The following COL9A3 variants were observed in gnomAD, a reference collection of about 807,000 sequenced individuals.
The protein encoded by COL9A3 is collagen alpha-3(IX) chain.
COL9A3 carries 82 observed loss-of-function variants against 110.2 expected under a neutral mutation model. The ratio of observed to expected loss-of-function variants is 0.74; its 90% CI spans 0.62 to 0.89. The LOEUF is 0.89. Ranked by LOEUF, COL9A3 falls within the 40% of genes least tolerant of loss-of-function variation. The pLI is 0.00. For synonymous variants in COL9A3, 494 were observed against 403.8 expected (o/e 1.22, Z -2.68); for missense variants, 1,066 against 981.3 (o/e 1.09, Z -1.15).
intron 26 of COL9A3, among the ~76,000 whole-genome samples, chr20:62,833,565 A>T: frequency 6.6e-6 from 1 of 151,580 alleles, no homozygotes; most frequent in South Asian, 2.1e-4. Flanking sequence ...CACCATGCCC[A>T]GCTAATTTTT....
chr20:62,830,643 C>A, intron 24 of COL9A3, 55 bp downstream of exon 24: 3 of 967,274 alleles, frequency 3.1e-6, no homozygotes, highest in South Asian at 1.5e-5. Context: ...CCATGTACCA[C>A]AGTCCCCCAC....
chr20:62,840,782 G>C lies in COL9A3; in HGVS notation c.*50G>C, dbSNP rs771945842. 2.6e-6 allele frequency: 4 copies of C among 1,544,818 alleles called. No individual in the cohort carries two copies. Among genetic ancestry groups the C allele is most frequent in the Non-Finnish European group, 3.5e-6 (4 of 1,141,006 alleles). On this transcript the variant is annotated 3_prime_UTR_variant, in exon 32 of 32. Coordinates refer to ENST00000649368, the MANE Select transcript of COL9A3 (RefSeq NM_001853.4). ...CAAGGACGCCCGAAGCACAGTGGAC[G>C]GTCATGAAGGAGCGGGGGTGTGGCA...
chr20:62,816,928 C>G (rs1477155174), upstream of COL9A3: 18 of 389,548 alleles, frequency 4.6e-5, no homozygotes, highest in Non-Finnish European at 6.8e-5. Flanking sequence ...GAAGCCCCCC[C>G]GCCCAGGTGG....
At chr20:62,818,186 C>G (rs1284893362) in intron 2 of COL9A3, among the ~76,000 whole-genome samples, 1 of 152,194 alleles carries the variant, frequency 6.6e-6, no homozygotes, top group Non-Finnish European at 1.5e-5. Flanking sequence ...CAGGAGTCCC[C>G]TCAGGGCCTG....
intron 12 of COL9A3, among the ~76,000 whole-genome samples, chr20:62,825,223 T>C (rs1158413159): frequency 6.7e-6 from 1 of 148,202 alleles, no homozygotes; most frequent in Non-Finnish European, 1.5e-5. Flanking sequence ...GTTTCATGGG[T>C]GCACCTGCAC....
chr20:62,838,350 G>A (rs568086009), intron 30 of COL9A3, among the ~76,000 whole-genome samples: 80 of 152,332 alleles, frequency 5.3e-4, no homozygotes, highest in Middle Eastern at 3.4e-3. Flanking sequence ...GGGTCTTGTG[G>A]GCGGTTCTAA....
Position 62,817,115 on chromosome 20 carries a change from G to A in COL9A3, c.51G>A (p.Gly17=). 7.1e-7 allele frequency: 1 copy of A among 1,401,192 alleles called. No individual in the cohort carries two copies. Among genetic ancestry groups the A allele is most frequent in the Non-Finnish European group, 9.3e-7 (1 of 1,072,218 alleles). The allele number at this position is 1,401,192 out of a possible 1,614,324, so 86.8% of individuals were successfully genotyped here. ...CGCTCCTGCTCCTGCTCCTGCTCGGGGAGCTTCTGGCGGCCGCCGGGGCGC... is the reference window on the plus strand; with the variant it reads ...CGCTCCTGCTCCTGCTCCTGCTCGGAGAGCTTCTGGCGGCCGCCGGGGCGC... The part of the protein sequence containing the change: ...CAPLLLLLLL[G]ELLAAAGAQR... Residue 17 remains glycine, a synonymous_variant, in exon 1 of 32, where the codon GGG becomes GGA. Transcript: ENST00000649368.
chr20:62,822,177 C>G lies in COL9A3; in HGVS notation c.477+13C>G. On this transcript the variant is annotated intron_variant, in intron 9 of 31. Transcript: ENST00000649368. ...TCCCGGACCCCCTGTAAGTACTGGG[C>G]AGAGGCTCTAAGAAGTGCTGGGCAT... The G allele has an allele frequency of 6.5e-7, 1 of 1,536,956 alleles. No homozygotes were observed. Among genetic ancestry groups the G allele is most frequent in the Non-Finnish European group, 9.0e-7 (1 of 1,110,378 alleles).
Position 62,836,158 on chromosome 20 carries a change from CT to C in COL9A3, c.1402-28del, listed in dbSNP as rs781300623. ...TGGCTCTGGGCTCCTGGGCTCGCCCCTGACCCACCTTCCTCTGTTCCTCTGC... is the reference window on the plus strand; with the variant it reads ...TGGCTCTGGGCTCCTGGGCTCGCCCCGACCCACCTTCCTCTGTTCCTCTGC... On this transcript the variant is annotated intron_variant, in intron 27 of 31. Transcript: ENST00000649368. 5.0e-6 allele frequency: 8 copies of C among 1,611,164 alleles called. No homozygotes were observed. In the African/African-American group the frequency reaches 5.3e-5, roughly 11 times the overall value.
rs760931131 is a variant in COL9A3 at position 62,826,796 on chromosome 20, G to T, written c.768G>T (p.Gly256=). The change falls in exon 15 of 32, where the codon GGG becomes GGT. Residue 256 remains glycine, a synonymous_variant. Transcript: ENST00000649368. ...CCATTGGGTTCCGAGGGCCGCCTGG[G>T]ATCCCAGGAGCGCCTGGGAAAGCGG... ...RGPIGFRGPP[G]IPGAPGKAGD... is the part of the protein sequence containing the mutation. 12 of 1,612,818 alleles carry T rather than the reference G, an allele frequency of 7.4e-6. No homozygotes were observed. In the South Asian group the frequency reaches 1.1e-4, roughly 15 times the overall value.
At chr20:62,818,479 C>T (rs199641605) in intron 2 of COL9A3, 39 bp from the exon 3 acceptor site, 9 of 1,607,400 alleles carry the variant, frequency 5.6e-6, no homozygotes, top group Middle Eastern at 1.7e-4. Context: ...TGAGGGACCC[C>T]TGATTTTCAG....
At chr20:62,819,591 C>T (rs1991052803) in intron 4 of COL9A3, among the ~76,000 whole-genome samples, 1 of 152,236 alleles carries the variant, frequency 6.6e-6, no homozygotes, top group South Asian at 2.1e-4. Flanking sequence ...ACTTAGTCAT[C>T]TTGGGCTCCA....
chr20:62,817,587 C>T lies in COL9A3; in HGVS notation c.99C>T (p.Pro33=), dbSNP rs772387433. Residue 33 remains proline (P), a synonymous_variant, in exon 2 of 32, where the codon CCC becomes CCT. Coordinates refer to ENST00000649368, the MANE Select transcript of COL9A3 (RefSeq NM_001853.4). ...AGAQRVGLPG[P]PGPPGPPGKP... ...TTCAGAGAGTGGGACTCCCCGGCCC[C>T]CCCGGCCCCCCAGGGCCGCCCGGGA... 1.9e-6 allele frequency: 3 copies of T among 1,546,744 alleles called. No individual in the cohort carries two copies. Among genetic ancestry groups the T allele is most frequent in the South Asian group, 2.4e-5 (2 of 83,758 alleles).
At chr20:62,822,006 T>TGGGGGCTGGTGGGAGC (rs1317671323) in intron 8 of COL9A3, 105 bp from the exon 9 acceptor site, 8 of 832,224 alleles carry the variant, frequency 9.6e-6, no homozygotes, top group Non-Finnish European at 1.7e-5. Flanking sequence ...TCCGTGGGAG[T>TGGGGGCTGGTGGGAGC]GGGGGCTGGT....
intron 5 of COL9A3, among the ~76,000 whole-genome samples, chr20:62,820,740 G>A (rs1314745590): frequency 6.6e-6 from 1 of 152,134 alleles, no homozygotes; most frequent in Non-Finnish European, 1.5e-5. Flanking sequence ...TGCCGTCCAG[G>A]GAATGAGGCA....
At chr20:62,838,797 A>T in intron 31 of COL9A3, 36 bp downstream of exon 31, 2 of 1,504,640 alleles carry the variant, frequency 1.3e-6, no homozygotes, top group Non-Finnish European at 1.8e-6. Context: ...TCACTGGGTG[A>T]CATCTCTTCC....
At chr20:62,820,895 G>A (rs1296531114) in intron 5 of COL9A3, among the ~76,000 whole-genome samples, 1 of 152,174 alleles carries the variant, frequency 6.6e-6, no homozygotes, top group East Asian at 1.9e-4. Context: ...GGGCTTCCTG[G>A]TGGAGACAGG....
At chr20:62,818,368 G>T (rs1453965205) in intron 2 of COL9A3, 150 bp from the exon 3 acceptor site, 7 of 778,348 alleles carry the variant, frequency 9.0e-6, no homozygotes, top group Non-Finnish European at 1.6e-5. Context: ...GTGCCCTCTA[G>T]GTAGGGATCG....
intron 30 of COL9A3, 132 bp from the exon 31 acceptor site, chr20:62,838,552 T>C (rs2063652429): frequency 1.2e-6 from 1 of 858,026 alleles, no homozygotes; most frequent in Admixed American, 2.0e-5. Flanking sequence ...GTGTGACATC[T>C]GTACTTTTCT....
Sources: gnomAD v4.1 joint callset for allele counts (sites outside exome capture counted in the v4.1 genomes callset) on GRCh38, gnomAD v4.1.1 for gene constraint, MANE v1.5 for transcripts, NCBI Gene and HGNC (gene_info 2026-07-23, HGNC 2026-07-21) for gene names.